Variants in CSMD1 observed in about 807,000 individuals in gnomAD.
CSMD1 encodes CUB and sushi domain-containing protein 1.
Under a neutral mutation model 417.5 loss-of-function variants are expected in CSMD1, and 213 were observed. That is an observed-to-expected ratio of 0.51 (90% CI 0.46 to 0.57). The LOEUF is 0.57. Among genes scored for constraint, CSMD1 ranks in the 20% least tolerant of loss-of-function variants. CSMD1 has a pLI of 0.00. For synonymous variants in CSMD1, 2,862 were observed against 1,736.8 expected (o/e 1.65, Z -16.11); for missense variants, 6,923 against 4,529.7 (o/e 1.53, Z -15.17).
At chr8:3,467,986 C>G (rs924831447) in intron 12 of CSMD1, among the ~76,000 whole-genome samples, 1 of 152,174 alleles carries the variant, frequency 6.6e-6, no homozygotes, top group Non-Finnish European at 1.5e-5. Flanking sequence ...TAAACACATA[C>G]ACATCTATCG....
intron 2 of CSMD1, among the ~76,000 whole-genome samples, chr8:4,480,623 C>G (rs987913244): frequency 6.6e-6 from 1 of 152,190 alleles, no homozygotes; most frequent in African/African-American, 2.4e-5. Flanking sequence ...GAAACAAACA[C>G]GTCTGTGGGC....
chr8:3,390,633 G>C (rs1279527575), intron 17 of CSMD1, among the ~76,000 whole-genome samples: 5 of 151,238 alleles, frequency 3.3e-5, no homozygotes, highest in African/African-American at 1.2e-4. Context: ...ATGAATTTTT[G>C]ATACAAATAG....
chr8:3,815,622 CTT>C (rs754106787), intron 5 of CSMD1, among the ~76,000 whole-genome samples: 1 of 68,496 alleles, frequency 1.5e-5, no homozygotes, highest in Admixed American at 1.5e-4. Flanking sequence ...CACTGCTAGA[CTT>C]TCTTTTTTTT....
chr8:3,759,395 T>C (rs1048581097), intron 5 of CSMD1, among the ~76,000 whole-genome samples: 10 of 152,180 alleles, frequency 6.6e-5, no homozygotes, highest in African/African-American at 2.4e-4. Context: ...GTTTAAACCC[T>C]TTATAAAACA....
rs533094502 is a variant in CSMD1, at chr8:3,197,445, A to G, written c.5194+2269T>C. Among the ~76,000 whole-genome samples the G allele has an allele frequency of 1.9e-4, 28 of 150,950 alleles. No individual in the cohort carries two copies. In the South Asian group the frequency reaches 5.9e-3, roughly 32 times the overall value. On this transcript the variant is annotated intron_variant, in intron 33 of 69. Coordinates refer to ENST00000635120, the MANE Select transcript of CSMD1 (RefSeq NM_033225.6). Reference sequence around the variant, plus strand: ...AAAGCACTGTTTAGAATATTTTTCTATAATATAGCTCAAATAATTTTTTTT... The same window carrying G: ...AAAGCACTGTTTAGAATATTTTTCTGTAATATAGCTCAAATAATTTTTTTT...
intron 2 of CSMD1, among the ~76,000 whole-genome samples, chr8:4,575,149 C>G (rs1014842543): frequency 6.6e-6 from 1 of 152,194 alleles, no homozygotes; most frequent in Non-Finnish European, 1.5e-5. Flanking sequence ...TTTTTGCAGT[C>G]TCTATAGCAC....
At chr8:3,949,939 C>A (rs774097091) in intron 5 of CSMD1, 1 of 455,966 alleles carries the variant, frequency 2.2e-6, no homozygotes, top group Non-Finnish European at 4.4e-6. Flanking sequence ...TGAAAACACA[C>A]ATGGAGAGGT....
chr8:3,465,396 C>A (rs75975040), intron 12 of CSMD1, among the ~76,000 whole-genome samples: 1 of 152,120 alleles, frequency 6.6e-6, no homozygotes, highest in South Asian at 2.1e-4. Flanking sequence ...TATGCCCAAG[C>A]CTACGAGCCC....
intron 5 of CSMD1, among the ~76,000 whole-genome samples, chr8:3,996,244 C>T (rs969537201): frequency 7.2e-5 from 11 of 152,156 alleles, no homozygotes; most frequent in African/African-American, 2.7e-4. Flanking sequence ...TGCCCAATAC[C>T]TCTGGACTGT....
At chr8:4,932,459 G>T (rs1301876880) in intron 1 of CSMD1, among the ~76,000 whole-genome samples, 1 of 152,110 alleles carries the variant, frequency 6.6e-6, no homozygotes, top group African/African-American at 2.4e-5. Context: ...TTGTCTTAAA[G>T]AGAAATAATA....
chr8:4,271,284 A>G (rs2128851681), intron 3 of CSMD1, among the ~76,000 whole-genome samples: 1 of 152,312 alleles, frequency 6.6e-6, no homozygotes, highest in East Asian at 1.9e-4. Flanking sequence ...TTGGTGCCCT[A>G]ACAGCAGGCA....
At chr8:4,891,415 A>T (rs1804114787) in intron 1 of CSMD1, among the ~76,000 whole-genome samples, 1 of 152,150 alleles carries the variant, frequency 6.6e-6, no homozygotes, top group Admixed American at 6.5e-5. Context: ...TTGAGCTTTC[A>T]TTCCTCTGAT....
chr8:3,050,074 T>C (rs117406706), intron 50 of CSMD1, among the ~76,000 whole-genome samples: 2,428 of 151,756 alleles, frequency 0.016, 23 homozygotes, highest in East Asian at 0.031. Flanking sequence ...TGGCATATAC[T>C]TGACATTTTA....
chr8:4,083,085 G>A (rs1281946566), intron 3 of CSMD1, among the ~76,000 whole-genome samples: 1 of 151,986 alleles, frequency 6.6e-6, no homozygotes, highest in Non-Finnish European at 1.5e-5. Flanking sequence ...ACATGTGCAT[G>A]TTTCTTTATA....
intron 12 of CSMD1, among the ~76,000 whole-genome samples, chr8:3,411,184 G>C (rs951925831): frequency 6.6e-6 from 1 of 152,170 alleles, no homozygotes; most frequent in Non-Finnish European, 1.5e-5. Flanking sequence ...CTTTGGAAGA[G>C]CAGAGGCAGG....
At chr8:4,390,903 T>G (rs141987115) in intron 3 of CSMD1, among the ~76,000 whole-genome samples, 1 of 152,166 alleles carries the variant, frequency 6.6e-6, no homozygotes, top group African/African-American at 2.4e-5. Context: ...TCCCCCAAAA[T>G]GTAGAAAGGT....
intron 3 of CSMD1, among the ~76,000 whole-genome samples, chr8:4,386,744 T>C (rs1803480895): frequency 6.6e-6 from 1 of 152,166 alleles, no homozygotes; most frequent in South Asian, 2.1e-4. Flanking sequence ...GTGCTAATGA[T>C]GACTTTAATT....
intron 3 of CSMD1, among the ~76,000 whole-genome samples, chr8:4,202,930 T>C (rs1362738278): frequency 6.6e-6 from 1 of 152,124 alleles, no homozygotes; most frequent in East Asian, 1.9e-4. Context: ...AGGAGAGATG[T>C]TGGCCTTATC....
intron 5 of CSMD1, among the ~76,000 whole-genome samples, chr8:3,761,591 T>TC (rs1266155587): frequency 1.4e-5 from 2 of 143,698 alleles, no homozygotes; most frequent in Non-Finnish European, 3.0e-5. Context: ...CTGCATCCTC[T>TC]CCCCACCAGG....
Sources: allele counts gnomAD v4.1 joint callset (sites outside exome capture counted in the v4.1 genomes callset), GRCh38; gene constraint gnomAD v4.1.1; transcripts MANE v1.5; gene names NCBI Gene and HGNC (gene_info 2026-07-23, HGNC 2026-07-21).